Variants in PDE5A observed in about 807,000 individuals in gnomAD.
The protein encoded by PDE5A is phosphodiesterase 5A, also known as cGMP-specific 3',5'-cyclic phosphodiesterase.
In PDE5A, 67 loss-of-function variants were observed where a neutral mutation model predicts 110.2. That is an observed-to-expected ratio of 0.61 (90% CI 0.50 to 0.75). The LOEUF is 0.75. PDE5A is among the 30% of genes least tolerant of loss of function. The pLI is 0.00. For missense variants in PDE5A, 862 were observed against 1,045.1 expected, an observed-to-expected ratio of 0.82 and a Z score of 2.42; for synonymous variants, 328 against 351.2, an observed-to-expected ratio of 0.93 and a Z score of 0.74.
chr4:119,558,424 T>C (rs1727617417), intron 7 of PDE5A, among the ~76,000 whole-genome samples: 1 of 152,200 alleles, frequency 6.6e-6, no homozygotes, highest in Admixed American at 6.5e-5. Context: ...TAACATCAAA[T>C]TGCCTAGTAC....
At chr4:119,561,237 A>T (rs904691178) in intron 6 of PDE5A, among the ~76,000 whole-genome samples, 20 of 152,158 alleles carry the variant, frequency 1.3e-4, no homozygotes, top group African/African-American at 4.6e-4. Context: ...AAAAAAAATG[A>T]TAGTTTAATC....
intron 1 of PDE5A, 25 bp downstream of exon 1, chr4:119,628,495 G>A (rs1282093215): frequency 2.1e-5 from 32 of 1,531,578 alleles, no homozygotes; most frequent in Non-Finnish European, 2.7e-5. Flanking sequence ...ATCAGCCCCG[G>A]GTCTTCCGTG....
intron 11 of PDE5A, among the ~76,000 whole-genome samples, chr4:119,537,151 T>C (rs1254816958): frequency 6.6e-6 from 1 of 151,994 alleles, no homozygotes; most frequent in Non-Finnish European, 1.5e-5. Context: ...CCTAAGAACA[T>C]TCTGCCTCTC....
At position 119,525,349 on chromosome 4, in the gene PDE5A, A is replaced by G. The variant is rs1726273272; in HGVS notation, c.1779+200T>C. 6.6e-6 allele frequency among the ~76,000 whole-genome samples: 1 copy of G among 152,122 alleles called. No individual in the cohort carries two copies. Among genetic ancestry groups the G allele is most frequent in the Non-Finnish European group, 1.5e-5 (1 of 68,006 alleles). On this transcript the variant is annotated intron_variant, in intron 12 of 20. Transcript: ENST00000354960. The surrounding 1 kb of genome is among the most constrained non-coding windows in gnomAD (Gnocchi z 4.3). ...CTTAGTCTTCACCCTGATACTTGAT[A>G]CATGCTAGGAGCCCATTAAATGTCT...
At chr4:119,599,666 A>C (rs1729270092) in intron 2 of PDE5A, among the ~76,000 whole-genome samples, 1 of 151,692 alleles carries the variant, frequency 6.6e-6, no homozygotes, top group East Asian at 1.9e-4. Flanking sequence ...AAACCATAAA[A>C]CATTAACAAA....
At chr4:119,603,179 A>AGTGTTAATATCTTATTAATAAAT (rs1729404040) in intron 2 of PDE5A, among the ~76,000 whole-genome samples, 1 of 152,162 alleles carries the variant, frequency 6.6e-6, no homozygotes, top group Non-Finnish European at 1.5e-5. Context: ...TCTTAGTATA[A>AGTGTTAATATCTTATTAATAAAT]GTGTTAATAT....
chr4:119,517,204 T>C (rs1725940560), intron 14 of PDE5A: 1 of 152,238 alleles, frequency 6.6e-6, no homozygotes, highest in African/African-American at 2.4e-5. Context: ...CTCTTTTTGA[T>C]AAATTACTTT....
chr4:119,625,161 ATTTTTGTAT>A (rs1730300601), intron 1 of PDE5A, among the ~76,000 whole-genome samples: 2 of 152,036 alleles, frequency 1.3e-5, no homozygotes, highest in South Asian at 4.2e-4. Flanking sequence ...TACCTGGCTA[ATTTTTGTAT>A]TTTTAGTAGA....
chr4:119,551,031 G>A (rs1267204305), intron 9 of PDE5A, among the ~76,000 whole-genome samples: 1 of 152,044 alleles, frequency 6.6e-6, no homozygotes, highest in Non-Finnish European at 1.5e-5. Context: ...GCCCAGCAGG[G>A]GGTTGGCACG....
rs55997249 is a variant in PDE5A, at chr4:119,592,456, T to TAAAAAAAAAAAAA, written c.831+4054_831+4066dup. The stretch of plus-strand genomic sequence containing the variant: ...CTGGGTGACAGAGCGAGACTCTGTT[T>TAAAAAAAAAAAAA]AAAAAAAAAAAAAAAAAAAAAAAAA... On this transcript the variant is annotated intron_variant, in intron 3 of 20. Transcript: ENST00000354960. 5.1e-4 allele frequency among the ~76,000 whole-genome samples: 34 copies of TAAAAAAAAAAAAA among 66,184 alleles called. 3 individuals are homozygous for TAAAAAAAAAAAAA. Among genetic ancestry groups the TAAAAAAAAAAAAA allele is most frequent in the African/African-American group, 6.5e-4 (10 of 15,318 alleles). The allele number at this position is 66,184 out of a possible 152,430, so 43.4% of individuals were successfully genotyped here. A position where few individuals can be genotyped will look rare whatever the true frequency, so the allele number is the denominator to read the frequency against.
intron 14 of PDE5A, among the ~76,000 whole-genome samples, chr4:119,514,003 A>G (rs144252529): frequency 2.7e-4 from 41 of 152,262 alleles, no homozygotes; most frequent in African/African-American, 9.6e-4. Flanking sequence ...TGTATTCTCT[A>G]TCTGTTGTAT....
chr4:119,619,160 C>A (rs1424938297), intron 1 of PDE5A, among the ~76,000 whole-genome samples: 2 of 152,086 alleles, frequency 1.3e-5, no homozygotes, highest in Admixed American at 1.3e-4. Flanking sequence ...CAAAATAACT[C>A]ACATAAAAAA....
At chr4:119,542,161 T>C (rs922791101) in intron 10 of PDE5A, among the ~76,000 whole-genome samples, 6 of 152,128 alleles carry the variant, frequency 3.9e-5, no homozygotes, top group Non-Finnish European at 7.4e-5. Flanking sequence ...GCAGTAGTCA[T>C]CTGTGTCAAT....
chr4:119,593,180 T>A (rs942888903), intron 3 of PDE5A, among the ~76,000 whole-genome samples: 1 of 152,194 alleles, frequency 6.6e-6, no homozygotes, highest in Non-Finnish European at 1.5e-5. Context: ...TCTTATCAAA[T>A]TAAATAAATA....
rs182066415 is a variant in PDE5A at position 119,518,322 on chromosome 4, T to C, written c.2000+723A>G. Among the ~76,000 whole-genome samples, 9 of 152,346 alleles carry C rather than the reference T, an allele frequency of 5.9e-5. No individual in the cohort carries two copies. In the East Asian group the frequency reaches 1.7e-3, roughly 29 times the overall value. ...ATATCACAGTGGCTCAAACATTTGA[T>C]GAAAAGTGATGTCACCTTTATCCTC... is the stretch of plus-strand genomic sequence containing the variant. On this transcript the variant is annotated intron_variant, in intron 14 of 20. Transcript: ENST00000354960.
chr4:119,498,941 G>A (rs754972736), intron 20 of PDE5A, among the ~76,000 whole-genome samples: 6 of 152,086 alleles, frequency 3.9e-5, no homozygotes, highest in Non-Finnish European at 5.9e-5. Context: ...ACATGCTGAG[G>A]GACAGAGCAA....
intron 1 of PDE5A, among the ~76,000 whole-genome samples, chr4:119,615,135 T>C (rs1729889913): frequency 6.6e-6 from 1 of 152,146 alleles, no homozygotes; most frequent in African/African-American, 2.4e-5. Context: ...AACAGGCTAT[T>C]AAGACTCCCC....
At chr4:119,569,422 C>A (rs919265518) in intron 3 of PDE5A, among the ~76,000 whole-genome samples, 3 of 151,402 alleles carry the variant, frequency 2.0e-5, no homozygotes, top group Non-Finnish European at 4.4e-5. Context: ...ACCAGAAATA[C>A]CCTCATTTGA....
At chr4:119,546,487 C>A (rs1433589016) in intron 9 of PDE5A, among the ~76,000 whole-genome samples, 1 of 151,938 alleles carries the variant, frequency 6.6e-6, no homozygotes, top group Non-Finnish European at 1.5e-5. Context: ...AGCACCTATA[C>A]CATATTTTTA....
Sources: gnomAD v4.1 joint callset for allele counts (sites outside exome capture counted in the v4.1 genomes callset) on GRCh38, gnomAD v4.1.1 for gene constraint, Gnocchi (gnomAD v3.1) non-coding constraint, MANE v1.5 for transcripts, NCBI Gene and HGNC (gene_info 2026-07-23, HGNC 2026-07-21) for gene names.